Variants in NELL1 observed in about 807,000 individuals in gnomAD.
NELL1 encodes protein kinase C-binding protein NELL1.
Under a neutral mutation model 107.4 loss-of-function variants are expected in NELL1, and 76 were observed. The ratio of observed to expected loss-of-function variants is 0.71; its 90% CI spans 0.59 to 0.86. The LOEUF (loss-of-function observed/expected upper bound fraction) is 0.86, where lower values mean the gene tolerates loss of function less well. Ranked by LOEUF, NELL1 falls within the 40% of genes least tolerant of loss-of-function variation. The pLI is 0.00. For missense variants in NELL1, 1,024 were observed against 1,005.5 expected (o/e 1.02, Z -0.25); for synonymous variants, 353 against 341.2 (o/e 1.03, Z -0.38).
At chr11:21,080,922 G>C (rs943071898) in intron 12 of NELL1, among the ~76,000 whole-genome samples, 2 of 151,512 alleles carry the variant, frequency 1.3e-5, no homozygotes, top group African/African-American at 2.4e-5. Context: ...CACACACACA[G>C]AGATAAAATG....
chr11:20,919,572 A>G (rs1246634547), intron 7 of NELL1, among the ~76,000 whole-genome samples: 1 of 152,038 alleles, frequency 6.6e-6, no homozygotes, highest in Non-Finnish European at 1.5e-5. Context: ...GCAAGAGGCA[A>G]TATGTATCAC....
intron 12 of NELL1, among the ~76,000 whole-genome samples, chr11:21,032,078 A>ATAG (rs1852974917): frequency 6.7e-6 from 1 of 148,968 alleles, no homozygotes; most frequent in African/African-American, 2.5e-5. Flanking sequence ...AATAATAATA[A>ATAG]TAATAATGAT....
chr11:20,739,255 C>T (rs556942147), intron 2 of NELL1, among the ~76,000 whole-genome samples: 17 of 152,230 alleles, frequency 1.1e-4, no homozygotes, highest in African/African-American at 4.1e-4. Context: ...TTCCAGGGCC[C>T]GTTGACATTG....
Position 20,940,866 on chromosome 11 carries a change from G to T in NELL1, c.1071+3007G>T, listed in dbSNP as rs550101849. Reference sequence around the variant, plus strand: ...AAAATACCCACCTCCAGCCAGGCGTGGTGGCTTATGCCTGTAATCCCAGCA... The same window carrying T: ...AAAATACCCACCTCCAGCCAGGCGTTGTGGCTTATGCCTGTAATCCCAGCA... On this transcript the variant is annotated intron_variant, in intron 10 of 19. Coordinates refer to ENST00000357134, the MANE Select transcript of NELL1 (RefSeq NM_006157.5). 1.0e-3 allele frequency among the ~76,000 whole-genome samples: 153 copies of T among 152,188 alleles called. 2 individuals are homozygous for T. In the South Asian group the frequency reaches 0.03, roughly 30 times the overall value.
At chr11:21,220,579 G>A (rs1276386745) in intron 13 of NELL1, among the ~76,000 whole-genome samples, 1 of 151,956 alleles carries the variant, frequency 6.6e-6, no homozygotes, top group Non-Finnish European at 1.5e-5. Context: ...TTATTATAGA[G>A]ATCTCTCACC....
intron 11 of NELL1, among the ~76,000 whole-genome samples, chr11:20,956,028 G>C (rs1851163052): frequency 1.3e-5 from 2 of 151,988 alleles, no homozygotes; most frequent in African/African-American, 4.8e-5. Flanking sequence ...AGACCAGCCT[G>C]GCCAACATAG....
At chr11:20,850,630 A>G (rs1848778549) in intron 4 of NELL1, among the ~76,000 whole-genome samples, 1 of 152,188 alleles carries the variant, frequency 6.6e-6, no homozygotes, top group Non-Finnish European at 1.5e-5. Flanking sequence ...AGTGGGGACC[A>G]TTGACACTTT....
intron 14 of NELL1, among the ~76,000 whole-genome samples, chr11:21,313,221 T>G (rs1449020459): frequency 6.6e-6 from 1 of 152,142 alleles, no homozygotes; most frequent in Admixed American, 6.6e-5. Context: ...GTGAGTGTGA[T>G]CTGTTGAATC....
At chr11:21,289,675 C>T (rs1293586535) in intron 14 of NELL1, among the ~76,000 whole-genome samples, 2 of 152,156 alleles carry the variant, frequency 1.3e-5, no homozygotes, top group African/African-American at 4.8e-5. Flanking sequence ...ATTCACTCTC[C>T]TGGAAAAGGC....
chr11:21,309,273 T>TA (rs1479667783), intron 14 of NELL1, among the ~76,000 whole-genome samples: 1 of 24,048 alleles, frequency 4.2e-5, no homozygotes, highest in Non-Finnish European at 9.5e-5. Context: ...TATATATATA[T>TA]ATATATGTAT....
At chr11:21,434,688 T>G (rs1207335056) in intron 15 of NELL1, among the ~76,000 whole-genome samples, 4 of 152,254 alleles carry the variant, frequency 2.6e-5, no homozygotes, top group African/African-American at 9.6e-5. Context: ...AACCAAATGT[T>G]TTTTGGTCCC....
chr11:21,278,000 T>C (rs1396965930), intron 14 of NELL1, among the ~76,000 whole-genome samples: 1 of 152,070 alleles, frequency 6.6e-6, no homozygotes, highest in Non-Finnish European at 1.5e-5. Flanking sequence ...TATGCATATG[T>C]AACTAACCTG....
intron 3 of NELL1, among the ~76,000 whole-genome samples, chr11:20,830,325 G>A (rs552581229): frequency 6.6e-6 from 1 of 152,142 alleles, no homozygotes; most frequent in South Asian, 2.1e-4. Flanking sequence ...AAGTGAGAAG[G>A]TGTGTTCCTG....
intron 15 of NELL1, among the ~76,000 whole-genome samples, chr11:21,461,054 G>A (rs1466459285): frequency 6.6e-6 from 1 of 152,084 alleles, no homozygotes; most frequent in Non-Finnish European, 1.5e-5. Flanking sequence ...TTCTTGGATG[G>A]ATTTGTGTTT....
intron 3 of NELL1, among the ~76,000 whole-genome samples, chr11:20,844,280 G>A (rs1848667825): frequency 6.6e-6 from 1 of 152,150 alleles, no homozygotes; most frequent in African/African-American, 2.4e-5. Context: ...TTTAGATGGA[G>A]ATGGGAGTAT....
At chr11:21,215,031 A>G (rs1381366786) in intron 13 of NELL1, among the ~76,000 whole-genome samples, 1 of 152,178 alleles carries the variant, frequency 6.6e-6, no homozygotes, top group Non-Finnish European at 1.5e-5. Context: ...GGATGCTGAT[A>G]TGGTTTGGCT....
At chr11:20,977,781 T>G (rs1851668257) in intron 12 of NELL1, among the ~76,000 whole-genome samples, 1 of 152,222 alleles carries the variant, frequency 6.6e-6, no homozygotes, top group African/African-American at 2.4e-5. Flanking sequence ...AAATAATTGT[T>G]GAGTGCATAA....
chr11:21,364,439 A>C (rs541510201), intron 14 of NELL1, among the ~76,000 whole-genome samples: 3 of 136,842 alleles, frequency 2.2e-5, no homozygotes, highest in African/African-American at 8.0e-5. Context: ...AAAAAAAAAG[A>C]CTTCATTCCC....
At chr11:21,202,516 TTTC>T (rs1857292844) in intron 13 of NELL1, among the ~76,000 whole-genome samples, 1 of 152,176 alleles carries the variant, frequency 6.6e-6, no homozygotes, top group African/African-American at 2.4e-5. Context: ...TCTTCTCTCA[TTTC>T]TTCTTTATTA....
Sources: gnomAD v4.1 joint callset for allele counts (sites outside exome capture counted in the v4.1 genomes callset) on GRCh38, gnomAD v4.1.1 for gene constraint, MANE v1.5 for transcripts, NCBI Gene and HGNC (gene_info 2026-07-23, HGNC 2026-07-21) for gene names.